ANKS6: variants seen among roughly 807,000 people sequenced by gnomAD.
ANKS6 encodes the protein ankyrin repeat and sterile alpha motif domain containing 6, also known as ankyrin repeat and SAM domain-containing protein 6.
Under a neutral mutation model 77.9 loss-of-function variants are expected in ANKS6, and 47 were observed. The observed-to-expected ratio is 0.60, with a 90% CI of 0.48 to 0.77. ANKS6 has a LOEUF of 0.77. Among genes scored for constraint, ANKS6 ranks in the 30% least tolerant of loss-of-function variants. ANKS6 has a pLI of 0.00. For synonymous variants in ANKS6, 488 were observed against 501.7 expected, an observed-to-expected ratio of 0.97 and a Z score of 0.37; for missense variants, 1,150 against 1,159.1, an observed-to-expected ratio of 0.99 and a Z score of 0.11.
rs115058330 is a variant in ANKS6 at position 98,783,885 on chromosome 9, G to A, written c.1112+68C>T. The A allele has an allele frequency of 1.9e-3, 2,571 of 1,382,030 alleles. 42 individuals carry two copies. The African/African-American group carries it at 0.033, about 18-fold the overall frequency. 85.6% of individuals were successfully genotyped at this position (1,382,030 alleles called of 1,614,324 possible). A position where few individuals can be genotyped will look rare whatever the true frequency, so the allele number is the denominator to read the frequency against. ...CATCTCAGGACCAGAAGAGCCCATT[G>A]GGAACCTCCATCTCAGGCCAGAGCA... is the stretch of plus-strand genomic sequence containing the variant. On this transcript the variant is annotated intron_variant, in intron 4 of 14. Transcript: ENST00000353234.
Position 98,790,089 on chromosome 9 carries a change from G to A in ANKS6, c.862+15C>T. ...TGGGGTCCTCTGTGAAGCCACGGGG[G>A]GCATGCAGCCTGACCTGTTTTGGGC... On this transcript the variant is annotated intron_variant, in intron 2 of 14. Transcript: ENST00000353234. 1.3e-6 allele frequency: 2 copies of A among 1,540,044 alleles called. No homozygotes were observed. Among genetic ancestry groups the A allele is most frequent in the Non-Finnish European group, 8.8e-7 (1 of 1,137,222 alleles).
At chr9:98,746,112 G>A (rs1380126985) in intron 13 of ANKS6, 2 of 160,674 alleles carry the variant, frequency 1.2e-5, no homozygotes, top group African/African-American at 2.4e-5. Flanking sequence ...AAGAGAGTGA[G>A]GAAATAAGCA....
At chr9:98,771,099 C>A in intron 9 of ANKS6, 53 bp from the exon 10 acceptor site, 1 of 1,438,474 alleles carries the variant, frequency 7.0e-7, no homozygotes, top group Non-Finnish European at 9.2e-7. Flanking sequence ...TCCCTCCAGC[C>A]GTGCAGGATC....
At chr9:98,780,397 GACT>G in intron 5 of ANKS6, 60 bp from the exon 6 acceptor site, 1 of 1,500,534 alleles carries the variant, frequency 6.7e-7, no homozygotes, top group Non-Finnish European at 9.0e-7. Context: ...ATAAGGAGAA[GACT>G]CAAGATGACC....
chr9:98,784,696 TCCAAACA>T, intron 3 of ANKS6, 129 bp downstream of exon 3: 1 of 832,296 alleles, frequency 1.2e-6, no homozygotes, highest in Non-Finnish European at 1.9e-6. Flanking sequence ...GATCTGAACT[TCCAAACA>T]CCAAACACCA....
chr9:98,770,915 C>G lies in ANKS6; in HGVS notation c.1953G>C (p.Gly651=). The change falls in exon 10 of 15, where the codon GGG becomes GGC. Residue 651 remains glycine, a synonymous_variant. Transcript: ENST00000353234. The stretch of plus-strand genomic sequence containing the variant: ...ACTCACCTGAGCGGTTAAGCAGCTC[C>G]CCACCGTGCCGGCTCACACCTACCC... ...SSGVGVSRHG[G]ELLNRSGGSI... is the part of the protein sequence containing the mutation. 6.5e-7 allele frequency: 1 copy of G among 1,531,552 alleles called. No homozygotes were observed. The allele number at this position is 1,531,552 out of a possible 1,614,324, so 94.9% of individuals were successfully genotyped here.
chr9:98,746,007 T>C (rs892426483), intron 13 of ANKS6: 1 of 321,080 alleles, frequency 3.1e-6, no homozygotes, highest in Non-Finnish European at 5.9e-6. Flanking sequence ...AACTGCAATG[T>C]TGCTGTACTT....
chr9:98,763,881 A>C (rs1336479157), intron 11 of ANKS6, among the ~76,000 whole-genome samples: 1 of 152,136 alleles, frequency 6.6e-6, no homozygotes, highest in Non-Finnish European at 1.5e-5. Context: ...GATAAAAGGG[A>C]ATAATTCCTT....
Position 98,770,924 on chromosome 9 carries a change from C to A in ANKS6, c.1944G>T (p.Arg648=). The change falls in exon 10 of 15, where the codon CGG becomes CGT. Residue 648 remains arginine (R), a synonymous_variant. Transcript: ENST00000353234. ...AGCGGTTAAGCAGCTCCCCACCGTG[C>A]CGGCTCACACCTACCCCACTGGAGC... ...SGGSSGVGVS[R]HGGELLNRSG... is the part of the protein sequence containing the mutation. 1 of 1,549,152 alleles carries A rather than the reference C, an allele frequency of 6.5e-7. No homozygotes were observed. The highest frequency in any genetic ancestry group is 8.7e-7 in the Non-Finnish European group (1 of 1,145,540).
chr9:98,789,172 T>C (rs893118021), intron 2 of ANKS6, among the ~76,000 whole-genome samples: 2 of 152,086 alleles, frequency 1.3e-5, no homozygotes, highest in Non-Finnish European at 2.9e-5. Context: ...CCAATGTGCC[T>C]GAAGCTACTT....
chr9:98,772,808 T>C (rs771629338), intron 9 of ANKS6, among the ~76,000 whole-genome samples: 5 of 152,162 alleles, frequency 3.3e-5, no homozygotes, highest in Admixed American at 6.5e-5. Flanking sequence ...CGCCTCTTCC[T>C]GGAGGCCTCC....
intron 14 of ANKS6, among the ~76,000 whole-genome samples, chr9:98,743,487 G>A (rs557545313): frequency 1.3e-5 from 2 of 152,224 alleles, no homozygotes; most frequent in African/African-American, 2.4e-5. Context: ...TGCCTGCTCC[G>A]CACTTTTCTA....
intron 11 of ANKS6, among the ~76,000 whole-genome samples, chr9:98,766,060 C>T (rs1708660872): frequency 6.6e-6 from 1 of 152,142 alleles, no homozygotes; most frequent in Non-Finnish European, 1.5e-5. Flanking sequence ...CTCCCGAGAG[C>T]CTCATTCAGG....
At position 98,732,158 on chromosome 9, in the gene ANKS6, T is replaced by G. The variant is rs1564163813; in HGVS notation, c.*4361A>C. 9.0e-6 allele frequency: 3 copies of G among 334,186 alleles called. No homozygotes were observed. In the East Asian group the frequency reaches 1.9e-4, roughly 21 times the overall value. The allele number at this position is 334,186 out of a possible 1,614,324, so 20.7% of individuals were successfully genotyped here. A position where few individuals can be genotyped will look rare whatever the true frequency, so the allele number is the denominator to read the frequency against. ...GGTGCTTCACAGTGCCTCCTGCTGA[T>G]GGCACCTTCATTCTGGCTGCAGAAT... On this transcript the variant is annotated 3_prime_UTR_variant, in exon 15 of 15. Coordinates refer to ENST00000353234, the MANE Select transcript of ANKS6 (RefSeq NM_173551.5).
Position 98,733,600 on chromosome 9 carries a change from G to C in ANKS6, c.*2919C>G, listed in dbSNP as rs1719218507. The C allele has an allele frequency of 7.1e-6, 7 of 985,378 alleles. No homozygotes were observed. The highest frequency in any genetic ancestry group is 5.2e-4 in the Middle Eastern group (1 of 1,936). The allele number at this position is 985,378 out of a possible 1,614,324, so 61.0% of individuals were successfully genotyped here. A position where few individuals can be genotyped will look rare whatever the true frequency, so the allele number is the denominator to read the frequency against. ...TTGCCGCTGTTCCAGAAAAAGCGGG[G>C]CTTCTCCAATGGTGTCCAAGGAATT... is the stretch of plus-strand genomic sequence containing the variant. On this transcript the variant is annotated 3_prime_UTR_variant, in exon 15 of 15. Coordinates refer to ENST00000353234, the MANE Select transcript of ANKS6 (RefSeq NM_173551.5).
At position 98,778,232 on chromosome 9, in the gene ANKS6, C is replaced by T. The variant is rs934648108; in HGVS notation, c.1561G>A (p.Asp521Asn). The change falls in exon 7 of 15, where the codon GAC becomes AAC. Residue 521 changes from aspartate to asparagine, a missense_variant. Asp to Asn is a conservative substitution (Grantham distance 23). Coordinates refer to ENST00000353234, the MANE Select transcript of ANKS6 (RefSeq NM_173551.5). ...ACATGCAGACTTTTCTCACCATTGT[C>T]TTTGGTCACAGGGGCCGCATCAGGG... ...ALPDAAPVTK[D>N]NGPGSTRGEK... 3 of 1,614,142 alleles carry T rather than the reference C, an allele frequency of 1.9e-6. No homozygotes were observed. Among genetic ancestry groups the T allele is most frequent in the Non-Finnish European group, 2.5e-6 (3 of 1,179,998 alleles).
intron 14 of ANKS6, among the ~76,000 whole-genome samples, chr9:98,740,800 A>AG (rs1457414137): frequency 6.6e-6 from 1 of 152,254 alleles, no homozygotes; most frequent in Non-Finnish European, 1.5e-5. Flanking sequence ...AGGAAAAAAA[A>AG]CAGCTATTAA....
intron 8 of ANKS6, among the ~76,000 whole-genome samples, chr9:98,776,823 A>C (rs1486629293): frequency 2.0e-5 from 3 of 152,202 alleles, no homozygotes; most frequent in Non-Finnish European, 4.4e-5. Flanking sequence ...TTGAACCAAG[A>C]GGTGACCTGA....
chr9:98,756,721 A>G (rs1054824680), intron 11 of ANKS6, 118 bp from the exon 12 acceptor site: 1 of 854,548 alleles, frequency 1.2e-6, no homozygotes, highest in Non-Finnish European at 1.6e-6. Flanking sequence ...TGTTTAACCA[A>G]GACTATGAAA....
Sources: gnomAD v4.1 joint callset for allele counts (sites outside exome capture counted in the v4.1 genomes callset) on GRCh38, gnomAD v4.1.1 for gene constraint, MANE v1.5 for transcripts, NCBI Gene and HGNC (gene_info 2026-07-23, HGNC 2026-07-21) for gene names.